RCAN2: variants seen among roughly 807,000 people sequenced by gnomAD.
RCAN2 encodes regulator of calcineurin 2, also known as calcipressin-2.
Under a neutral mutation model 23.6 loss-of-function variants are expected in RCAN2, and 9 were observed. That is an observed-to-expected ratio of 0.38 (90% CI 0.23 to 0.67). RCAN2 has a LOEUF of 0.67. RCAN2 is among the 30% of genes least tolerant of loss of function. The probability of loss-of-function intolerance (pLI) is 0.51; values close to 1 mark genes in which losing one functional copy is unlikely to be tolerated. For synonymous variants in RCAN2, 109 were observed against 115.7 expected (o/e 0.94, Z 0.37); for missense variants, 273 against 302.3 (o/e 0.90, Z 0.72).
At chr6:46,485,015 T>G (rs1026369105) in intron 1 of RCAN2, among the ~76,000 whole-genome samples, 4 of 152,146 alleles carry the variant, frequency 2.6e-5, no homozygotes, top group African/African-American at 9.7e-5. Context: ...AAAAAACAAT[T>G]AAAAGCAATG....
chr6:46,479,918 C>A (rs1462302572), intron 1 of RCAN2, among the ~76,000 whole-genome samples: 1 of 152,078 alleles, frequency 6.6e-6, no homozygotes, highest in Non-Finnish European at 1.5e-5. Context: ...ACATACTGGA[C>A]CAGTGTGCCA....
intron 2 of RCAN2, among the ~76,000 whole-genome samples, chr6:46,455,762 A>T (rs903121069): frequency 1.3e-5 from 2 of 151,840 alleles, no homozygotes; most frequent in African/African-American, 4.8e-5. Context: ...AGGCTGAAGC[A>T]GGAGAATGGC....
intron 2 of RCAN2, among the ~76,000 whole-genome samples, chr6:46,414,658 A>G (rs1393494741): frequency 6.6e-6 from 1 of 152,162 alleles, no homozygotes; most frequent in Non-Finnish European, 1.5e-5. Context: ...TTCCCTGGAG[A>G]AAGAGGGAAT....
At chr6:46,459,381 T>C (rs1290441431) in intron 1 of RCAN2, among the ~76,000 whole-genome samples, 1 of 152,026 alleles carries the variant, frequency 6.6e-6, no homozygotes, top group Non-Finnish European at 1.5e-5. Flanking sequence ...CCAAAAAAAA[T>C]CTAAAATCCA....
At chr6:46,487,888 A>G (rs1409613781) in intron 1 of RCAN2, among the ~76,000 whole-genome samples, 3 of 152,250 alleles carry the variant, frequency 2.0e-5, no homozygotes, top group Admixed American at 2.0e-4. Context: ...CAATGGTTCT[A>G]GTAGCAGAGA....
Position 46,342,631 on chromosome 6 carries a change from G to T in RCAN2, c.226-93735C>A, listed in dbSNP as rs866853814. Among the ~76,000 whole-genome samples the T allele has an allele frequency of 3.8e-4, 48 of 125,338 alleles. 1 individual carries two copies. In the Middle Eastern group the frequency reaches 0.012, roughly 31 times the overall value. 82.2% of individuals were successfully genotyped at this position (125,338 alleles called of 152,430 possible). On this transcript the variant is annotated intron_variant, in intron 2 of 4. Coordinates refer to ENST00000371374, the MANE Select transcript of RCAN2 (RefSeq NM_001251974.2). ...ACATAGCTTTTCTTTCAAACCCAGA[G>T]ATCTGATGAAAGGAAAGCCTAAATG...
intron 2 of RCAN2, among the ~76,000 whole-genome samples, chr6:46,339,276 T>C (rs1764232573): frequency 6.6e-6 from 1 of 152,052 alleles, no homozygotes; most frequent in Admixed American, 6.6e-5. Context: ...TTGTCATAAA[T>C]GATATGAATA....
intron 2 of RCAN2, among the ~76,000 whole-genome samples, chr6:46,339,576 T>G (rs1297535079): frequency 6.6e-6 from 1 of 152,064 alleles, no homozygotes; most frequent in Non-Finnish European, 1.5e-5. Context: ...TATTAAACAG[T>G]GGCTTGACAT....
In RCAN2 at chr6:46,239,449, C is replaced by T. The variant is rs149413833; in HGVS notation, c.571+7299G>A. ...TGAACTCCAATCCAGGTCTGCTGAG[C>T]GACCAGCGTAACCGCCTTACTACTT... On this transcript the variant is annotated intron_variant, in intron 4 of 4. Transcript: ENST00000371374. Among the ~76,000 whole-genome samples the T allele has an allele frequency of 2.0e-5, 3 of 152,304 alleles. No individual in the cohort carries two copies. The East Asian group carries it at 5.8e-4, about 29-fold the overall frequency.
At chr6:46,486,449 T>C (rs1159078782) in intron 1 of RCAN2, among the ~76,000 whole-genome samples, 3 of 152,316 alleles carry the variant, frequency 2.0e-5, no homozygotes, top group Non-Finnish European at 2.9e-5. Context: ...GGCTTTTTCA[T>C]GCCAAGTCCA....
chr6:46,246,086 T>C (rs972522249), intron 4 of RCAN2, among the ~76,000 whole-genome samples: 1 of 152,174 alleles, frequency 6.6e-6, no homozygotes, highest in African/African-American at 2.4e-5. Flanking sequence ...GTTACTTTGA[T>C]TGTAATAGCA....
At position 46,248,888 on chromosome 6, in the gene RCAN2, A is replaced by G. The variant is rs1766613096; in HGVS notation, c.234T>C (p.Phe78=). 6.2e-7 allele frequency: 1 copy of G among 1,603,744 alleles called. No individual in the cohort carries two copies. The change falls in exon 3 of 5, where the codon TTT becomes TTC. Residue 78 remains phenylalanine (F), a synonymous_variant. Coordinates refer to ENST00000371374, the MANE Select transcript of RCAN2 (RefSeq NM_001251974.2). ...CATCATAAGTCCGAAACAGTCCCTC[A>G]AATTTTTCCTGATAAAAACAAACAC... The part of the protein sequence containing the change: ...VFEGEESKEK[F]EGLFRTYDDC...
chr6:46,265,292 T>G (rs1297425129), intron 2 of RCAN2, among the ~76,000 whole-genome samples: 1 of 152,196 alleles, frequency 6.6e-6, no homozygotes, highest in Non-Finnish European at 1.5e-5. Context: ...TATGGGTGTG[T>G]GTATATGTGT....
intron 2 of RCAN2, among the ~76,000 whole-genome samples, chr6:46,258,260 T>C (rs978288715): frequency 1.5e-4 from 23 of 152,188 alleles, no homozygotes; most frequent in Non-Finnish European, 1.8e-4. Flanking sequence ...CAGGAGGACC[T>C]CCTGGACAGG....
At chr6:46,344,673 C>G (rs1764429975) in intron 2 of RCAN2, among the ~76,000 whole-genome samples, 2 of 151,832 alleles carry the variant, frequency 1.3e-5, no homozygotes, top group Non-Finnish European at 2.9e-5. Flanking sequence ...GTACTGTAGT[C>G]TCTAGACTAG....
Position 46,474,674 on chromosome 6 carries a change from G to T in RCAN2, c.-3+16499C>A, listed in dbSNP as rs551991576. ...TAGTCAGTAGGTTTTGGGAAAGGAG[G>T]AAATCCTTTGGAATCATTGCTATGT... On this transcript the variant is annotated intron_variant, in intron 1 of 4. Coordinates refer to ENST00000371374, the MANE Select transcript of RCAN2 (RefSeq NM_001251974.2). 2.6e-5 allele frequency among the ~76,000 whole-genome samples: 4 copies of T among 152,302 alleles called. No individual in the cohort carries two copies. In the South Asian group the frequency reaches 8.3e-4, roughly 32 times the overall value.
intron 2 of RCAN2, among the ~76,000 whole-genome samples, chr6:46,399,774 T>C (rs1317144259): frequency 1.3e-5 from 2 of 152,116 alleles, no homozygotes; most frequent in Non-Finnish European, 2.9e-5. Flanking sequence ...CTCAGGACAC[T>C]ACACTTGTCA....
At chr6:46,480,196 T>C (rs946007464) in intron 1 of RCAN2, among the ~76,000 whole-genome samples, 4 of 152,198 alleles carry the variant, frequency 2.6e-5, no homozygotes, top group African/African-American at 9.6e-5. Context: ...AGTATAATTA[T>C]AGGAGAGTAA....
intron 2 of RCAN2, among the ~76,000 whole-genome samples, chr6:46,279,158 C>T (rs1767817000): frequency 6.6e-6 from 1 of 152,152 alleles, no homozygotes; most frequent in South Asian, 2.1e-4. Flanking sequence ...CCATTCTATC[C>T]ATCTTGATTA....
Sources: allele counts gnomAD v4.1 joint callset (sites outside exome capture counted in the v4.1 genomes callset), GRCh38; gene constraint gnomAD v4.1.1; transcripts MANE v1.5; gene names NCBI Gene and HGNC (gene_info 2026-07-23, HGNC 2026-07-21).